The following IL7 variants were observed in gnomAD, a reference collection of about 807,000 sequenced individuals.
IL7 encodes interleukin-7.
Under a neutral mutation model 21.6 loss-of-function variants are expected in IL7, and 3 were observed. That is an observed-to-expected ratio of 0.14 (90% CI 0.06 to 0.36). The LOEUF is 0.36. Ranked by LOEUF, IL7 falls within the 10% of genes least tolerant of loss-of-function variation. The pLI is 1.00. For synonymous variants in IL7, 62 were observed against 68.1 expected (o/e 0.91, Z 0.44); for missense variants, 175 against 200.2 (o/e 0.87, Z 0.76).
At chr8:78,681,999 T>C (rs971622959) in intron 4 of IL7, among the ~76,000 whole-genome samples, 4 of 151,572 alleles carry the variant, frequency 2.6e-5, no homozygotes, top group African/African-American at 9.7e-5. Context: ...CACTTTCACC[T>C]CCCAAAATGT....
chr8:78,768,141 G>A (rs974250608), intron 2 of IL7, among the ~76,000 whole-genome samples: 10 of 152,278 alleles, frequency 6.6e-5, no homozygotes, highest in African/African-American at 2.4e-4. Context: ...TGGTGTATAT[G>A]TGCCACATTT....
intron 3 of IL7, among the ~76,000 whole-genome samples, chr8:78,706,302 G>T (rs1810769124): frequency 6.6e-6 from 1 of 152,132 alleles, no homozygotes; most frequent in African/African-American, 2.4e-5. Flanking sequence ...TTTTTCCTAA[G>T]GGTATGTACG....
In IL7 at chr8:78,678,260, T is replaced by G. The variant is rs987447276; in HGVS notation, n.274-2156A>C. On this transcript the variant is annotated intron_variant and non_coding_transcript_variant, in intron 4 of 4. Transcript: ENST00000523959. ...CCTGTTTAAGATGGAGTTGTTCTCTTTCACACACTTCTGACATTAGTAATG... is the reference window on the plus strand; with the variant it reads ...CCTGTTTAAGATGGAGTTGTTCTCTGTCACACACTTCTGACATTAGTAATG... Among the ~76,000 whole-genome samples the G allele has an allele frequency of 4.6e-5, 7 of 152,140 alleles. 1 individual carries two copies. The highest frequency in any genetic ancestry group is 1.7e-4 in the African/African-American group (7 of 41,446).
chr8:78,735,293 G>GTTTTTTTTTTTTTTTTTTTTTTTTTTTGT (rs33976248), intron 5 of IL7, among the ~76,000 whole-genome samples: 38 of 69,566 alleles, frequency 5.5e-4, no homozygotes, highest in Middle Eastern at 0.02. Flanking sequence ...TTTTTTTTTT[G>GTTTTTTTTTTTTTTTTTTTTTTTTTTTGT]TTTTTTTTTT....
At chr8:78,764,051 T>C (rs922685038) in intron 2 of IL7, among the ~76,000 whole-genome samples, 10 of 152,166 alleles carry the variant, frequency 6.6e-5, no homozygotes, top group African/African-American at 2.2e-4. Flanking sequence ...CATTGGAATA[T>C]TGTTTAATCT....
intron 5 of IL7, among the ~76,000 whole-genome samples, chr8:78,735,582 A>G (rs1308452088): frequency 1.3e-5 from 2 of 152,044 alleles, no homozygotes; most frequent in Non-Finnish European, 2.9e-5. Flanking sequence ...TGCTGGGATT[A>G]CAGGCGTGAG....
intron 3 of IL7, among the ~76,000 whole-genome samples, chr8:78,690,194 A>C (rs1182860580): frequency 6.6e-6 from 1 of 152,002 alleles, no homozygotes; most frequent in Non-Finnish European, 1.5e-5. Context: ...CATTATCACT[A>C]TACTGAATAG....
chr8:78,731,489 AAG>A (rs1811424057), downstream of IL7, among the ~76,000 whole-genome samples: 1 of 151,960 alleles, frequency 6.6e-6, no homozygotes, highest in Non-Finnish European at 1.5e-5. Context: ...GTGAACCTCC[AAG>A]AGAATATTTA....
At chr8:78,765,278 C>T (rs1416600141) in intron 2 of IL7, among the ~76,000 whole-genome samples, 1 of 151,964 alleles carries the variant, frequency 6.6e-6, no homozygotes, top group Non-Finnish European at 1.5e-5. Flanking sequence ...ATTGAGATGA[C>T]ATTTTAAATA....
chr8:78,753,865 G>A (rs1336336819), intron 2 of IL7, among the ~76,000 whole-genome samples: 2 of 152,076 alleles, frequency 1.3e-5, no homozygotes, highest in Non-Finnish European at 2.9e-5. Flanking sequence ...TGTCAGGTTT[G>A]TCAAAGATGG....
intron 2 of IL7, among the ~76,000 whole-genome samples, chr8:78,770,268 A>G (rs535548481): frequency 6.6e-6 from 1 of 152,226 alleles, no homozygotes; most frequent in South Asian, 2.1e-4. Flanking sequence ...CATTCAATAA[A>G]ATTTGCCTGG....
At chr8:78,705,968 T>C (rs1810760043) in intron 3 of IL7, among the ~76,000 whole-genome samples, 1 of 152,126 alleles carries the variant, frequency 6.6e-6, no homozygotes, top group Non-Finnish European at 1.5e-5. Flanking sequence ...AGGTCCCAGT[T>C]GTGAGGTCCT....
chr8:78,729,287 G>C (rs577681208), downstream of IL7, among the ~76,000 whole-genome samples: 2 of 152,072 alleles, frequency 1.3e-5, no homozygotes, highest in East Asian at 3.9e-4. Flanking sequence ...CATGAAGGCA[G>C]GGACTTTGTT....
intron 3 of IL7, among the ~76,000 whole-genome samples, chr8:78,725,030 C>A (rs964040261): frequency 6.6e-6 from 1 of 152,006 alleles, no homozygotes; most frequent in African/African-American, 2.4e-5. Flanking sequence ...CATTTGTCAT[C>A]ATTGTGGCTA....
At chr8:78,769,493 C>T (rs1812879208) in intron 2 of IL7, among the ~76,000 whole-genome samples, 2 of 152,074 alleles carry the variant, frequency 1.3e-5, no homozygotes, top group Admixed American at 1.3e-4. Flanking sequence ...TGAAGGACCT[C>T]TTCAAGGAGA....
chr8:78,678,741 A>G (rs1326938684), intron 4 of IL7: 72 of 1,133,940 alleles, frequency 6.3e-5, no homozygotes, highest in Non-Finnish European at 8.5e-5. Flanking sequence ...AAAATATTAT[A>G]TTATCTGTTA....
chr8:78,784,945 T>C (rs1038008808), intron 2 of IL7, among the ~76,000 whole-genome samples: 2 of 152,092 alleles, frequency 1.3e-5, no homozygotes, highest in Non-Finnish European at 2.9e-5. Flanking sequence ...TTTCTGCCTG[T>C]GCACTTTATA....
chr8:78,737,409 A>C (rs1182257554), intron 4 of IL7, among the ~76,000 whole-genome samples: 1 of 152,114 alleles, frequency 6.6e-6, no homozygotes, highest in Non-Finnish European at 1.5e-5. Flanking sequence ...GGAAGTCTTC[A>C]TGAATCTTGA....
chr8:78,701,488 CT>C (rs1810601991), intron 3 of IL7, among the ~76,000 whole-genome samples: 1 of 152,170 alleles, frequency 6.6e-6, no homozygotes, highest in African/African-American at 2.4e-5. Flanking sequence ...CCCTTTATTT[CT>C]TTCTCTTGCC....
Sources: gnomAD v4.1 joint callset for allele counts (sites outside exome capture counted in the v4.1 genomes callset) on GRCh38, gnomAD v4.1.1 for gene constraint, MANE v1.5 for transcripts, NCBI Gene and HGNC (gene_info 2026-07-23, HGNC 2026-07-21) for gene names.